Variants in USP15 observed in about 807,000 individuals in gnomAD.
USP15 encodes ubiquitin specific peptidase 15.
A neutral mutation model predicts 127.1 loss-of-function variants in USP15; 18 were observed. That is an observed-to-expected ratio of 0.14 (90% CI 0.10 to 0.21). The LOEUF (loss-of-function observed/expected upper bound fraction) is 0.21. Ranked by LOEUF, USP15 falls within the 10% of genes least tolerant of loss-of-function variation. The pLI is 1.00. For synonymous variants in USP15, 364 were observed against 393.7 expected (o/e 0.92, Z 0.89); for missense variants, 805 against 1,159.9 (o/e 0.69, Z 4.44).
At chr12:62,273,575 C>T (rs1226850905) in intron 1 of USP15, among the ~76,000 whole-genome samples, 1 of 152,018 alleles carries the variant, frequency 6.6e-6, no homozygotes, top group Non-Finnish European at 1.5e-5. Flanking sequence ...TTTATATCTA[C>T]TCAAGTCTGA....
intron 8 of USP15, among the ~76,000 whole-genome samples, chr12:62,372,457 T>A (rs2066705616): frequency 6.6e-6 from 1 of 152,144 alleles, no homozygotes; most frequent in African/African-American, 2.4e-5. Context: ...AGTAATGATC[T>A]CTTAATATTT....
At chr12:62,277,807 G>A (rs145563448) in intron 1 of USP15, among the ~76,000 whole-genome samples, 15 of 152,174 alleles carry the variant, frequency 9.9e-5, no homozygotes, top group Non-Finnish European at 2.1e-4. Flanking sequence ...TGGGCCTCAG[G>A]TTGGACAAGC....
Position 62,405,662 on chromosome 12 carries a change from A to G in USP15, c.*1287A>G, listed in dbSNP as rs2067842347. The G allele has an allele frequency of 6.6e-6, 1 of 152,560 alleles. No individual in the cohort carries two copies. The allele number at this position is 152,560 out of a possible 1,614,324, so 9.5% of individuals were successfully genotyped here. On this transcript the variant is annotated 3_prime_UTR_variant, in exon 22 of 22. Transcript: ENST00000280377. ...CAATACTGCCTTTAATAGAAAACCT[A>G]AATGCTGGGGCACATTTCACATATC...
At chr12:62,381,976 G>A (rs533613698) in intron 9 of USP15, among the ~76,000 whole-genome samples, 1 of 151,974 alleles carries the variant, frequency 6.6e-6, no homozygotes, top group Non-Finnish European at 1.5e-5. Context: ...ATGAGCGTTT[G>A]TATAGTTGTT....
intron 6 of USP15, among the ~76,000 whole-genome samples, chr12:62,332,362 A>G (rs1353003759): frequency 3.3e-5 from 5 of 152,068 alleles, no homozygotes; most frequent in Non-Finnish European, 7.4e-5. Flanking sequence ...ATGATACCTT[A>G]GAAAAAGTTT....
At chr12:62,262,971 T>C (rs920745045) in intron 1 of USP15, among the ~76,000 whole-genome samples, 5 of 152,142 alleles carry the variant, frequency 3.3e-5, no homozygotes, top group African/African-American at 1.2e-4. Flanking sequence ...AGAAACCAGT[T>C]TGGTTTATTT....
chr12:62,350,845 C>T (rs11174437), intron 7 of USP15, among the ~76,000 whole-genome samples: 34,087 of 152,016 alleles, frequency 0.22, 4,166 homozygotes, highest in African/African-American at 0.34. Flanking sequence ...ATGCTGGTTT[C>T]GAACTCCTGG....
At chr12:62,297,147 T>C (rs1451909899) in intron 2 of USP15, among the ~76,000 whole-genome samples, 1 of 152,154 alleles carries the variant, frequency 6.6e-6, no homozygotes, top group Non-Finnish European at 1.5e-5. Context: ...CTGTCATGCC[T>C]TATTGTACCA....
chr12:62,335,582 T>A, intron 6 of USP15: 1 of 1,018,324 alleles, frequency 9.8e-7, no homozygotes, highest in Non-Finnish European at 1.2e-6. Context: ...GCCACACATA[T>A]GGTAAACACC....
chr12:62,367,802 C>G (rs1411117269), intron 8 of USP15, among the ~76,000 whole-genome samples: 1 of 152,080 alleles, frequency 6.6e-6, no homozygotes, highest in Non-Finnish European at 1.5e-5. Flanking sequence ...TTTCGTGTCT[C>G]TGTCTCCTTC....
At chr12:62,361,029 A>G (rs1288966744) in intron 8 of USP15, among the ~76,000 whole-genome samples, 1 of 152,050 alleles carries the variant, frequency 6.6e-6, no homozygotes, top group African/African-American at 2.4e-5. Context: ...ATGAATACCA[A>G]TGTTTTTACT....
intron 8 of USP15, chr12:62,374,658 C>A: frequency 1.2e-6 from 1 of 858,438 alleles, no homozygotes; most frequent in Non-Finnish European, 1.4e-6. Context: ...TTGACTTCAT[C>A]AATTTATAAA....
chr12:62,316,910 A>C (rs148346770), intron 4 of USP15, among the ~76,000 whole-genome samples: 1 of 152,270 alleles, frequency 6.6e-6, no homozygotes, highest in East Asian at 1.9e-4. Context: ...ATATACTAAT[A>C]CTTTAAAATG....
At chr12:62,301,632 G>A (rs910357356) in intron 2 of USP15, among the ~76,000 whole-genome samples, 4 of 152,128 alleles carry the variant, frequency 2.6e-5, no homozygotes, top group African/African-American at 7.2e-5. Context: ...TTGCAAATTC[G>A]TCTATAGTAA....
At chr12:62,371,673 C>G (rs901917369) in intron 8 of USP15, among the ~76,000 whole-genome samples, 1 of 152,002 alleles carries the variant, frequency 6.6e-6, no homozygotes, top group African/African-American at 2.4e-5. Flanking sequence ...AAAAATTAGT[C>G]CTTTCCATGT....
At chr12:62,307,261 CAT>C (rs2064513954) in intron 3 of USP15, among the ~76,000 whole-genome samples, 1 of 152,116 alleles carries the variant, frequency 6.6e-6, no homozygotes, top group Non-Finnish European at 1.5e-5. Context: ...TAACTTCAAG[CAT>C]GTGCTAATGC....
At chr12:62,335,372 C>T in intron 6 of USP15, 2 of 1,428,030 alleles carry the variant, frequency 1.4e-6, no homozygotes, top group East Asian at 2.5e-5. Context: ...TGCGTTATCA[C>T]TCAACAGTAA....
chr12:62,270,472 T>C (rs541314091), intron 1 of USP15, among the ~76,000 whole-genome samples: 4 of 152,126 alleles, frequency 2.6e-5, no homozygotes, highest in Non-Finnish European at 5.9e-5. Flanking sequence ...ATATATTTTC[T>C]TTTCCAAGTT....
At chr12:62,320,413 T>C (rs1340599096) in intron 4 of USP15, among the ~76,000 whole-genome samples, 3 of 152,216 alleles carry the variant, frequency 2.0e-5, no homozygotes, top group African/African-American at 7.2e-5. Flanking sequence ...GTACAGCCCA[T>C]GGAACTGTAA....
Sources: allele counts gnomAD v4.1 joint callset (sites outside exome capture counted in the v4.1 genomes callset), GRCh38; gene constraint gnomAD v4.1.1; transcripts MANE v1.5; gene names NCBI Gene and HGNC (gene_info 2026-07-23, HGNC 2026-07-21).